The following C1S variants were observed in gnomAD, a reference collection of about 807,000 sequenced individuals.
The protein encoded by C1S is complement C1s subcomponent.
Under a neutral mutation model 54.0 loss-of-function variants are expected in C1S, and 31 were observed. That is an observed-to-expected ratio of 0.57 (90% CI 0.43 to 0.78). The LOEUF (loss-of-function observed/expected upper bound fraction) is 0.78, where lower values mean the gene tolerates loss of function less well. Among genes scored for constraint, C1S ranks in the 30% least tolerant of loss-of-function variants. The probability of loss-of-function intolerance (pLI) is 0.00; values close to 1 mark genes in which losing one functional copy is unlikely to be tolerated. For synonymous variants in C1S, 292 were observed against 303.6 expected (o/e 0.96, Z 0.40); for missense variants, 727 against 851.8 (o/e 0.85, Z 1.82).
chr12:7,061,993 G>A, intron 2 of C1S, 76 bp downstream of exon 2: 2 of 1,414,636 alleles, frequency 1.4e-6, no homozygotes, highest in South Asian at 2.3e-5. Flanking sequence ...TCAAGGGCCA[G>A]GCATGATGGC....
In C1S at chr12:7,061,728, G is replaced by A. The variant is rs1430250216; in HGVS notation, c.-74-111G>A. 2.6e-5 allele frequency: 18 copies of A among 703,696 alleles called. No homozygotes were observed. In the East Asian group the frequency reaches 4.7e-4, roughly 18 times the overall value. 43.6% of individuals were successfully genotyped at this position (703,696 alleles called of 1,614,324 possible). On this transcript the variant is annotated intron_variant, in intron 1 of 11. Transcript: ENST00000360817. Reference sequence around the variant, plus strand: ...GCCATGTGGGGATGTTGGTGATATGGCCCTGTGTGTTATACCTTTGAAGGT... The same window carrying A: ...GCCATGTGGGGATGTTGGTGATATGACCCTGTGTGTTATACCTTTGAAGGT...
Position 7,062,466 on chromosome 12 carries a change from T to G in C1S, c.6-9T>G. ...GGTCACCCGCCAATCTATGCCTCTG[T>G]TTTTTCAGGTGCATTGTCCTGTTTT... On this transcript the variant is annotated splice_polypyrimidine_tract_variant and intron_variant, in intron 2 of 11. Transcript: ENST00000360817. 6.2e-7 allele frequency: 1 copy of G among 1,610,570 alleles called. No homozygotes were observed.
chr12:7,067,097 A>C lies in C1S; in HGVS notation c.1046A>C (p.Asn349Thr), dbSNP rs192346248. 9 of 1,607,460 alleles carry C rather than the reference A, an allele frequency of 5.6e-6. No individual in the cohort carries two copies. The East Asian group carries it at 1.8e-4, about 32-fold the overall frequency. Reference protein sequence around the residue: ...STCQSNGKWSNSKLKCQPVDC... With the variant: ...STCQSNGKWSTSKLKCQPVDC... ...TGTCAAAGCAATGGAAAGTGGAGTA[A>C]TTCCAAACTGAAATGTCAACGTATG... The change falls in exon 9 of 12, where the codon AAT becomes ACT. Residue 349 changes from asparagine (N) to threonine (T), a missense_variant. Physicochemically the swap from Asn to Thr is moderately conservative, Grantham distance 65. Transcript: ENST00000360817.
intron 11 of C1S, among the ~76,000 whole-genome samples, chr12:7,069,038 A>T (rs1156872487): frequency 6.6e-6 from 1 of 152,140 alleles, no homozygotes; most frequent in Non-Finnish European, 1.5e-5. Context: ...TGCATTTATT[A>T]TCTCATTCGT....
intron 9 of C1S, chr12:7,067,370 T>C: frequency 6.4e-6 from 4 of 625,766 alleles, no homozygotes; most frequent in South Asian, 5.5e-5. Context: ...CGTGGGTGCA[T>C]TTGTGGCTTC....
intron 4 of C1S, 57 bp from the exon 5 acceptor site, chr12:7,064,210 C>T (rs1555161719): frequency 7.5e-6 from 12 of 1,600,672 alleles, no homozygotes; most frequent in African/African-American, 2.7e-5. Flanking sequence ...TGGATTTAAC[C>T]TCATTCTCCC....
intron 9 of C1S, 142 bp downstream of exon 9, chr12:7,067,259 A>G (rs1937692024): frequency 1.4e-6 from 1 of 714,462 alleles, no homozygotes; most frequent in Non-Finnish European, 2.5e-6. Flanking sequence ...CAGTCATGGA[A>G]GCTTTTCTAG....
intron 4 of C1S, chr12:7,064,047 C>CACACACACACACACA (rs782576639): frequency 1.3e-5 from 8 of 602,936 alleles, no homozygotes; most frequent in South Asian, 4.4e-5. Context: ...CACACACACA[C>CACACACACACACACA]CCCCGAGCTT....
chr12:7,067,333 A>G (rs1487975224), intron 9 of C1S: 8 of 636,476 alleles, frequency 1.3e-5, no homozygotes, highest in Non-Finnish European at 8.4e-6. Context: ...GAAAGGGGCT[A>G]TGGGATAGGT....
chr12:7,063,674 G>A lies in C1S; in HGVS notation c.392-593G>A, dbSNP rs781834025. On this transcript the variant is annotated intron_variant, in intron 4 of 11. Transcript: ENST00000360817. ...CGTCATGATGTTTACCTTGCAGAGT[G>A]TCATTCCTGGAGCTGAAATGCTCTG... 3.9e-5 allele frequency among the ~76,000 whole-genome samples: 6 copies of A among 152,300 alleles called. No individual in the cohort carries two copies. In the South Asian group the frequency reaches 1.2e-3, roughly 32 times the overall value.
intron 6 of C1S, 115 bp downstream of exon 6, chr12:7,065,414 G>A: frequency 1.3e-6 from 1 of 795,354 alleles, no homozygotes; most frequent in Non-Finnish European, 2.2e-6. Flanking sequence ...GGAGTGCAGT[G>A]GTGCAATCAC....
intron 5 of C1S, among the ~76,000 whole-genome samples, 175 bp from the exon 6 acceptor site, chr12:7,064,925 T>G (rs782063718): frequency 6.6e-6 from 1 of 152,296 alleles, no homozygotes; most frequent in African/African-American, 2.4e-5. Flanking sequence ...GGATTGGGTA[T>G]TCCTACTGAT....
At chr12:7,065,496 C>T (rs782318227) in intron 6 of C1S, 197 bp downstream of exon 6, 2 of 680,162 alleles carry the variant, frequency 2.9e-6, no homozygotes, top group Non-Finnish European at 5.3e-6. Flanking sequence ...GCTGGGCCCA[C>T]AGACGTGTGT....
Position 7,068,531 on chromosome 12 carries a change from G to A in C1S, c.1270+1G>A. 2 of 1,610,448 alleles carry A rather than the reference G, an allele frequency of 1.2e-6. No homozygotes were observed. The highest frequency in any genetic ancestry group is 1.7e-6 in the Non-Finnish European group (2 of 1,176,682). On this transcript the variant is annotated splice_donor_variant, in intron 11 of 11. Coordinates refer to ENST00000360817, the MANE Select transcript of C1S (RefSeq NM_001734.5). LOFTEE classifies it high-confidence loss of function. The stretch of plus-strand genomic sequence containing the variant: ...CCGGAGCTGCCGAAATGTGTTCCAG[G>A]TAAGGAGGGCTGAGGCTTGGGGAGA...
At chr12:7,068,403 G>A in intron 10 of C1S, 53 bp from the exon 11 acceptor site, 2 of 1,340,992 alleles carry the variant, frequency 1.5e-6, no homozygotes, top group South Asian at 2.3e-5. Flanking sequence ...GGGGGGAATG[G>A]AAGAAGGAAG....
intron 2 of C1S, 147 bp from the exon 3 acceptor site, chr12:7,062,328 T>C: frequency 1.4e-6 from 1 of 704,396 alleles, no homozygotes; most frequent in Non-Finnish European, 2.6e-6. Flanking sequence ...GACCTGGGCC[T>C]TTTCTTTATT....
chr12:7,061,804 G>C, intron 1 of C1S, 35 bp from the exon 2 acceptor site: 1 of 1,256,686 alleles, frequency 8.0e-7, no homozygotes, highest in Non-Finnish European at 1.2e-6. Context: ...GCTTGTGTTT[G>C]TCAGACAAAT....
chr12:7,068,079 G>C (rs189187403), intron 10 of C1S, among the ~76,000 whole-genome samples: 7 of 152,282 alleles, frequency 4.6e-5, no homozygotes, highest in African/African-American at 1.4e-4. Flanking sequence ...ACCCACAGGA[G>C]CAATGCCTTC....
chr12:7,066,891 C>T, intron 8 of C1S, 148 bp from the exon 9 acceptor site: 2 of 728,764 alleles, frequency 2.7e-6, no homozygotes, highest in Non-Finnish European at 2.5e-6. Flanking sequence ...AGCCTCATCT[C>T]CTGGGTGCTT....
Sources: allele counts gnomAD v4.1 joint callset (sites outside exome capture counted in the v4.1 genomes callset), GRCh38; gene constraint gnomAD v4.1.1; transcripts MANE v1.5; gene names NCBI Gene and HGNC (gene_info 2026-07-23, HGNC 2026-07-21).